LHX8: variants seen among roughly 807,000 people sequenced by gnomAD.
LHX8 encodes LIM homeobox 8, also known as LIM/homeobox protein Lhx8.
Under a neutral mutation model 40.3 loss-of-function variants are expected in LHX8, and 12 were observed. The observed-to-expected ratio is 0.30, with a 90% CI of 0.19 to 0.48. LHX8 has a LOEUF of 0.48. Ranked by LOEUF, LHX8 falls within the 20% of genes least tolerant of loss-of-function variation. The probability of loss-of-function intolerance (pLI) is 0.99; values close to 1 mark genes in which losing one functional copy is unlikely to be tolerated. For missense variants in LHX8, 344 were observed against 433.7 expected (o/e 0.79, Z 1.84); for synonymous variants, 179 against 162.0 (o/e 1.10, Z -0.80).
At chr1:75,130,916 T>C, upstream of LHX8, 1 of 679,294 alleles carries the variant, frequency 1.5e-6, no homozygotes, top group Non-Finnish European at 2.7e-6. Context: ...ATCGAAGGAG[T>C]CGCCAACCAG....
chr1:75,193,654 C>T, the LHX8 span, among the ~76,000 whole-genome samples: 1 of 152,190 alleles, frequency 6.6e-6, no homozygotes, highest in East Asian at 1.9e-4. Flanking sequence ...AATAAAATCT[C>T]TTCACAATAT....
At chr1:75,133,759 G>C (rs1409159877), upstream of LHX8, among the ~76,000 whole-genome samples, 7 of 152,134 alleles carry the variant, frequency 4.6e-5, no homozygotes, top group South Asian at 2.1e-4. Flanking sequence ...AAGGCTGCTC[G>C]GGCTTACATT....
chr1:75,136,997 C>A (rs1648161381), intron 2 of LHX8, 103 bp from the exon 3 acceptor site: 2 of 1,165,918 alleles, frequency 1.7e-6, no homozygotes, highest in Non-Finnish European at 2.2e-6. Flanking sequence ...GGTGGGGTGG[C>A]CAGGGGGAAG....
the LHX8 span, among the ~76,000 whole-genome samples, chr1:75,177,268 A>G: frequency 6.6e-6 from 1 of 152,136 alleles, no homozygotes; most frequent in East Asian, 1.9e-4. Context: ...CTTGGGCAGT[A>G]TGGCCATTTT....
the LHX8 span, among the ~76,000 whole-genome samples, chr1:75,178,505 G>A: frequency 2.6e-5 from 4 of 152,068 alleles, no homozygotes; most frequent in African/African-American, 9.7e-5. Flanking sequence ...ATTTCTGTGG[G>A]ATCAGTGGTG....
chr1:75,140,626 T>C (rs1171773348), intron 3 of LHX8, among the ~76,000 whole-genome samples: 1 of 152,060 alleles, frequency 6.6e-6, no homozygotes, highest in Non-Finnish European at 1.5e-5. Context: ...TGGTAAAATA[T>C]AACAAAAAAA....
At chr1:75,191,392 G>C in the LHX8 span, among the ~76,000 whole-genome samples, 1 of 152,082 alleles carries the variant, frequency 6.6e-6, no homozygotes, top group South Asian at 2.1e-4. Flanking sequence ...CTCCAGCTGA[G>C]AGGATTTATT....
chr1:75,148,987 AT>A (rs1267912846), intron 7 of LHX8, among the ~76,000 whole-genome samples: 2 of 152,230 alleles, frequency 1.3e-5, no homozygotes, highest in Non-Finnish European at 2.9e-5. Context: ...TCTAAATCAA[AT>A]TTTTAAAATG....
At chr1:75,135,088 GC>G in intron 1 of LHX8, 134 bp downstream of exon 1, 1 of 208,808 alleles carries the variant, frequency 4.8e-6, no homozygotes, top group Non-Finnish European at 8.3e-6. Context: ...ACACTTGCCT[GC>G]CCTGAGGCAC....
rs139523507 is a variant in LHX8, at chr1:75,151,654, G to C, written c.780+2972G>C. On this transcript the variant is annotated intron_variant, in intron 7 of 8. Transcript: ENST00000356261. ...GAAGGTAGTGAGTTTCCTCTGCCTG[G>C]GAGAACAGTTTTCTTTGGCAGGTAG... 8.3e-3 allele frequency among the ~76,000 whole-genome samples: 1,263 copies of C among 152,300 alleles called. 7 individuals carry two copies. Among genetic ancestry groups the C allele is most frequent in the Non-Finnish European group, 0.013 (868 of 68,026 alleles).
At chr1:75,167,160 G>A in the LHX8 span, among the ~76,000 whole-genome samples, 1 of 152,224 alleles carries the variant, frequency 6.6e-6, no homozygotes, top group Non-Finnish European at 1.5e-5. Context: ...AGACAACATG[G>A]AGAAGTATCA....
At chr1:75,189,568 A>G in the LHX8 span, among the ~76,000 whole-genome samples, 4 of 152,190 alleles carry the variant, frequency 2.6e-5, no homozygotes, top group Non-Finnish European at 4.4e-5. Flanking sequence ...TGAAACAAAA[A>G]AAGTCATGAA....
chr1:75,159,544 A>G (rs1049504817), intron 8 of LHX8: 5 of 152,064 alleles, frequency 3.3e-5, no homozygotes, highest in African/African-American at 4.8e-5. Flanking sequence ...TATGTTTTTC[A>G]GTTTTAAGAT....
Position 75,157,301 on chromosome 1 carries a change from TTAA to T in LHX8, c.964+230_964+232del, listed in dbSNP as rs564962554. On this transcript the variant is annotated intron_variant, in intron 8 of 8. Transcript: ENST00000356261. ...TCACTTTGCAGCTAAGATGCAAATA[TTAA>T]TAATGACTCAATGCTTGATCTTTAC... 2.0e-5 allele frequency among the ~76,000 whole-genome samples: 3 copies of T among 152,344 alleles called. No homozygotes were observed. In the East Asian group the frequency reaches 5.8e-4, roughly 29 times the overall value.
chr1:75,144,991 G>C (rs1442558512), intron 6 of LHX8, among the ~76,000 whole-genome samples: 1 of 152,076 alleles, frequency 6.6e-6, no homozygotes. Context: ...CATATTCCAA[G>C]GGAACGTGGC....
chr1:75,152,974 T>G (rs886624921), intron 7 of LHX8, among the ~76,000 whole-genome samples: 1 of 152,250 alleles, frequency 6.6e-6, no homozygotes, highest in Admixed American at 6.5e-5. Flanking sequence ...CTTACTGATA[T>G]TTATTAATCC....
chr1:75,148,460 A>C (rs1423835445), intron 6 of LHX8, 127 bp from the exon 7 acceptor site: 1 of 718,700 alleles, frequency 1.4e-6, no homozygotes, highest in African/African-American at 1.8e-5. Context: ...ATTTCCCCAT[A>C]CCGATTTTCA....
chr1:75,141,816 CTTTA>C (rs1648318785), intron 4 of LHX8, among the ~76,000 whole-genome samples: 1 of 152,022 alleles, frequency 6.6e-6, no homozygotes, highest in Admixed American at 6.6e-5. Flanking sequence ...AACATATTTT[CTTTA>C]TTTACTTTTC....
the LHX8 span, among the ~76,000 whole-genome samples, chr1:75,174,155 A>C: frequency 6.6e-6 from 1 of 152,164 alleles, no homozygotes; most frequent in Non-Finnish European, 1.5e-5. Context: ...AATTACTTTC[A>C]GTTCTGTTGG....
Sources: gnomAD v4.1 joint callset for allele counts (sites outside exome capture counted in the v4.1 genomes callset) on GRCh38, gnomAD v4.1.1 for gene constraint, MANE v1.5 for transcripts, NCBI Gene and HGNC (gene_info 2026-07-23, HGNC 2026-07-21) for gene names.